Variants in ZNF609 observed in about 807,000 individuals in gnomAD.
ZNF609 encodes the protein zinc finger protein 609.
A neutral mutation model predicts 109.5 loss-of-function variants in ZNF609; 11 were observed. The observed-to-expected ratio is 0.10, with a 90% CI of 0.06 to 0.17. The LOEUF (loss-of-function observed/expected upper bound fraction) is 0.17, where lower values mean the gene tolerates loss of function less well. Ranked by LOEUF, ZNF609 falls within the 10% of genes least tolerant of loss-of-function variation. The probability of loss-of-function intolerance (pLI) is 1.00; values close to 1 mark genes in which losing one functional copy is unlikely to be tolerated. For missense variants in ZNF609, 1,559 were observed against 1,772.4 expected, an observed-to-expected ratio of 0.88 and a Z score of 2.16; for synonymous variants, 646 against 662.0, an observed-to-expected ratio of 0.98 and a Z score of 0.37.
At chr15:64,498,433 G>A (rs1211217866) in intron 1 of ZNF609, among the ~76,000 whole-genome samples, 1 of 152,142 alleles carries the variant, frequency 6.6e-6, no homozygotes, top group Non-Finnish European at 1.5e-5. Flanking sequence ...CCTGGTGTTT[G>A]TCAATACAGT....
At position 64,471,677 on chromosome 15, in the gene ZNF609, G is replaced by A. The variant is rs113063641; in HGVS notation, c.-128+10839G>A. Among the ~76,000 whole-genome samples, 564 of 152,194 alleles carry A rather than the reference G, an allele frequency of 3.7e-3. 5 individuals carry two copies. Among genetic ancestry groups the A allele is most frequent in the African/African-American group, 0.013 (534 of 41,534 alleles). ...TGGCTCACCGCAACTTCCGCCTCCC[G>A]GTTTCAGGCGATTCTCCTGCCTCAG... On this transcript the variant is annotated intron_variant, in intron 1 of 9. Transcript: ENST00000326648.
chr15:64,673,234 AAAC>A (rs1374867286), intron 4 of ZNF609, among the ~76,000 whole-genome samples: 1 of 152,208 alleles, frequency 6.6e-6, no homozygotes, highest in Non-Finnish European at 1.5e-5. Flanking sequence ...ACTGTCTTAG[AAAC>A]AACCTACTCC....
chr15:64,474,096 C>CG (rs1394180464), intron 1 of ZNF609, among the ~76,000 whole-genome samples: 9 of 149,690 alleles, frequency 6.0e-5, no homozygotes, highest in African/African-American at 2.2e-4. Flanking sequence ...TTAGTAGAGA[C>CG]GGGGTTTCAC....
intron 2 of ZNF609, among the ~76,000 whole-genome samples, chr15:64,567,278 G>A (rs1894790500): frequency 6.6e-6 from 1 of 152,034 alleles, no homozygotes; most frequent in Non-Finnish European, 1.5e-5. Context: ...GAGGTCAAGA[G>A]ATCGAGACCA....
chr15:64,604,729 G>C (rs536563149), intron 2 of ZNF609, among the ~76,000 whole-genome samples: 1 of 152,098 alleles, frequency 6.6e-6, no homozygotes. Flanking sequence ...TTTAGGCAGG[G>C]TTTCAAATAA....
intron 2 of ZNF609, among the ~76,000 whole-genome samples, chr15:64,607,121 G>A: frequency 6.6e-6 from 1 of 151,838 alleles, no homozygotes; most frequent in East Asian, 1.9e-4. Flanking sequence ...TTCAGCCTGG[G>A]CAATAAGAGT....
At chr15:64,503,339 G>C (rs1893588407) in intron 2 of ZNF609, among the ~76,000 whole-genome samples, 1 of 152,152 alleles carries the variant, frequency 6.6e-6, no homozygotes, top group South Asian at 2.1e-4. Flanking sequence ...CTGAAGAGAT[G>C]GGGGAGGGAA....
chr15:64,598,932 T>C (rs916523631), intron 2 of ZNF609, among the ~76,000 whole-genome samples: 3 of 150,598 alleles, frequency 2.0e-5, no homozygotes, highest in African/African-American at 7.3e-5. Flanking sequence ...TGTTTTTACA[T>C]ACTCTTACCA....
chr15:64,569,022 A>G (rs184165408), intron 2 of ZNF609, among the ~76,000 whole-genome samples: 88 of 152,322 alleles, frequency 5.8e-4, no homozygotes, highest in African/African-American at 2.0e-3. Context: ...TCTCAAACAT[A>G]TGAAGCTTGC....
At chr15:64,617,168 A>T (rs1895813205) in intron 2 of ZNF609, among the ~76,000 whole-genome samples, 8 of 151,638 alleles carry the variant, frequency 5.3e-5, no homozygotes, top group Admixed American at 3.9e-4. Flanking sequence ...ACGTAGGGAG[A>T]CTTTGTCTCT....
At chr15:64,490,445 T>A (rs2140344090) in intron 1 of ZNF609, among the ~76,000 whole-genome samples, 1 of 152,234 alleles carries the variant, frequency 6.6e-6, no homozygotes, top group African/African-American at 2.4e-5. Flanking sequence ...GGCTAGTTTT[T>A]GTATTTTTAG....
chr15:64,503,192 T>C (rs1210492601), intron 2 of ZNF609: 2 of 152,256 alleles, frequency 1.3e-5, no homozygotes, highest in Non-Finnish European at 2.9e-5. Context: ...ATCCCACTTT[T>C]GCTCGACCAT....
intron 1 of ZNF609, among the ~76,000 whole-genome samples, chr15:64,469,271 A>G (rs529929608): frequency 7.0e-4 from 107 of 151,798 alleles, no homozygotes; most frequent in African/African-American, 2.4e-3. Context: ...TTCAATAAAT[A>G]CGTAAATAAT....
intron 2 of ZNF609, among the ~76,000 whole-genome samples, chr15:64,522,311 TAAGAG>T (rs1283227936): frequency 3.9e-5 from 6 of 152,360 alleles, no homozygotes; most frequent in Non-Finnish European, 7.3e-5. Context: ...ACCAGATTCT[TAAGAG>T]AAGAATTTCT....
At chr15:64,502,876 A>C (rs1141937) in intron 2 of ZNF609, 3 of 152,232 alleles carry the variant, frequency 2.0e-5, no homozygotes, top group African/African-American at 7.2e-5. Context: ...AGACCAGCCT[A>C]GGCAACATGG....
At chr15:64,525,062 A>G (rs770529331) in intron 2 of ZNF609, among the ~76,000 whole-genome samples, 34 of 152,316 alleles carry the variant, frequency 2.2e-4, no homozygotes, top group Admixed American at 5.9e-4. Context: ...GATTTCTTTA[A>G]TGACTAATGA....
At chr15:64,479,284 ATTTTTT>A (rs34496032) in intron 1 of ZNF609, among the ~76,000 whole-genome samples, 5 of 86,542 alleles carry the variant, frequency 5.8e-5, no homozygotes, top group African/African-American at 1.5e-4. Context: ...TACCTGTGTG[ATTTTTT>A]TTTTTTTTTT....
intron 2 of ZNF609, among the ~76,000 whole-genome samples, chr15:64,596,474 G>C (rs1160062780): frequency 6.6e-6 from 1 of 152,094 alleles, no homozygotes; most frequent in Non-Finnish European, 1.5e-5. Context: ...TCTTGCCTTA[G>C]GAGTTTGCAT....
At chr15:64,529,324 C>T (rs1894019723) in intron 2 of ZNF609, 1 of 722,282 alleles carries the variant, frequency 1.4e-6, no homozygotes, top group Non-Finnish European at 2.6e-6. Context: ...ACCCTTTTGG[C>T]TCCCCCCTGC....
Sources: allele counts gnomAD v4.1 joint callset (sites outside exome capture counted in the v4.1 genomes callset), GRCh38; gene constraint gnomAD v4.1.1; transcripts MANE v1.5; gene names NCBI Gene and HGNC (gene_info 2026-07-23, HGNC 2026-07-21).